WDFY3: variants seen among roughly 807,000 people sequenced by gnomAD.
The protein encoded by WDFY3 is WD repeat and FYVE domain-containing protein 3.
WDFY3 carries 66 observed loss-of-function variants against 409.6 expected under a neutral mutation model. That is an observed-to-expected ratio of 0.16 (90% CI 0.13 to 0.20). WDFY3 has a LOEUF of 0.20. Ranked by LOEUF, WDFY3 falls within the 10% of genes least tolerant of loss-of-function variation. WDFY3 has a pLI of 1.00. For synonymous variants in WDFY3, 1,521 were observed against 1,537.1 expected, an observed-to-expected ratio of 0.99 and a Z score of 0.25; for missense variants, 3,031 against 4,298.1, an observed-to-expected ratio of 0.71 and a Z score of 8.24.
intron 24 of WDFY3, among the ~76,000 whole-genome samples, chr4:84,784,188 A>G (rs559851982): frequency 1.9e-4 from 29 of 152,196 alleles, no homozygotes; most frequent in Non-Finnish European, 2.5e-4. Context: ...CCAACTCCAT[A>G]ACACTGGAAC....
At chr4:84,925,899 A>G (rs1769912527) in intron 2 of WDFY3, among the ~76,000 whole-genome samples, 1 of 152,012 alleles carries the variant, frequency 6.6e-6, no homozygotes, top group South Asian at 2.1e-4. Context: ...TCAAGGTTGA[A>G]GGTGTTTGGA....
At chr4:84,824,531 T>A (rs923493135) in intron 10 of WDFY3, among the ~76,000 whole-genome samples, 5 of 152,172 alleles carry the variant, frequency 3.3e-5, no homozygotes, top group Admixed American at 6.6e-5. Flanking sequence ...ATGATTACAG[T>A]GTATTAAGTT....
chr4:84,808,526 A>T, intron 14 of WDFY3, 109 bp from the exon 15 acceptor site: 1 of 810,340 alleles, frequency 1.2e-6, no homozygotes, highest in Non-Finnish European at 2.1e-6. Flanking sequence ...TTAATAAGGA[A>T]CATCTTCCAT....
At chr4:84,832,667 G>T (rs958054083) in intron 7 of WDFY3, among the ~76,000 whole-genome samples, 5 of 152,088 alleles carry the variant, frequency 3.3e-5, no homozygotes, top group Admixed American at 6.6e-5. Flanking sequence ...CCGTAAGAGT[G>T]TATGTAAGTA....
At position 84,922,636 on chromosome 4, in the gene WDFY3, ACC is replaced by A. The variant is rs1328009449; in HGVS notation, c.-132+9632_-132+9633del. Among the ~76,000 whole-genome samples the A allele has an allele frequency of 3.3e-5, 5 of 151,762 alleles. No homozygotes were observed. The Middle Eastern group carries it at 0.01, about 314-fold the overall frequency. ...TTTTTTTTTTAATCTTATTGCTTTTACCGAGGCAAAGTCTGTTTTGTTGTTTT... is the reference window on the plus strand; with the variant it reads ...TTTTTTTTTTAATCTTATTGCTTTTAGAGGCAAAGTCTGTTTTGTTGTTTT... On this transcript the variant is annotated intron_variant, in intron 2 of 67. Coordinates refer to ENST00000295888, the MANE Select transcript of WDFY3 (RefSeq NM_014991.6).
chr4:84,849,662 T>C (rs1758609819), intron 5 of WDFY3: 3 of 328,888 alleles, frequency 9.1e-6, no homozygotes, highest in South Asian at 1.6e-4. Context: ...ACAGAGTATT[T>C]TAAAGGGTTA....
In WDFY3 at chr4:84,796,720, T is replaced by C. The variant is rs1325272749; in HGVS notation, c.2968A>G (p.Thr990Ala). The stretch of plus-strand genomic sequence containing the variant: ...TCATGTAAGCTAAAAACATTATCAG[T>C]ACCCAGACCTTCCAGAGATGTGATC... Reference protein sequence around the residue: ...SMITSLEGLGTDNVFSLHEDN... With the variant: ...SMITSLEGLGADNVFSLHEDN... Residue 990 changes from threonine (T) to alanine (A), a missense_variant, in exon 19 of 68, where the codon ACT (threonine) becomes GCT (alanine). Around this residue, in one of 16 missense-constraint regions of WDFY3, gnomAD observed 1,322 missense variants for 1,697.9 expected, o/e 0.78. Coordinates refer to ENST00000295888, the MANE Select transcript of WDFY3 (RefSeq NM_014991.6). 1.9e-6 allele frequency: 3 copies of C among 1,613,830 alleles called. No individual in the cohort carries two copies. The African/African-American group carries it at 4.0e-5, about 22-fold the overall frequency.
At chr4:84,701,717 G>A (rs1410349010) in intron 56 of WDFY3, among the ~76,000 whole-genome samples, 1 of 152,126 alleles carries the variant, frequency 6.6e-6, no homozygotes, top group East Asian at 1.9e-4. Context: ...CACTGATGGA[G>A]TTTTTCTTGT....
chr4:84,795,688 A>C (rs1197524410), intron 19 of WDFY3, among the ~76,000 whole-genome samples: 1 of 151,788 alleles, frequency 6.6e-6, no homozygotes, highest in African/African-American at 2.4e-5. Context: ...CTTGAACCTG[A>C]GAGGCGGAGG....
intron 58 of WDFY3, among the ~76,000 whole-genome samples, chr4:84,695,111 C>T (rs1219767187): frequency 6.6e-6 from 1 of 152,082 alleles, no homozygotes; most frequent in Non-Finnish European, 1.5e-5. Flanking sequence ...TGGAGAAGTG[C>T]TGCAGTTACT....
At chr4:84,859,954 T>C (rs963378234) in intron 4 of WDFY3, among the ~76,000 whole-genome samples, 1 of 152,220 alleles carries the variant, frequency 6.6e-6, no homozygotes, top group Non-Finnish European at 1.5e-5. Context: ...TTAACTCTAT[T>C]TGAATTATCT....
intron 53 of WDFY3, among the ~76,000 whole-genome samples, chr4:84,706,780 G>A (rs1030278786): frequency 5.3e-5 from 8 of 152,058 alleles, no homozygotes; most frequent in Non-Finnish European, 1.0e-4. Flanking sequence ...TAAATTACAA[G>A]AGAGGGAACT....
At chr4:84,829,851 T>TA (rs1560868593) in intron 8 of WDFY3, among the ~76,000 whole-genome samples, 9 of 58,166 alleles carry the variant, frequency 1.5e-4, no homozygotes, top group African/African-American at 5.8e-4. Context: ...ATAAATAAAT[T>TA]AGAGAGACTA....
At chr4:84,752,450 T>G (rs1476262794) in intron 35 of WDFY3, among the ~76,000 whole-genome samples, 1 of 151,698 alleles carries the variant, frequency 6.6e-6, no homozygotes, top group Non-Finnish European at 1.5e-5. Context: ...TCGCTTGAAC[T>G]TGGGACGTGG....
chr4:84,880,515 T>C (rs1201106207), intron 3 of WDFY3, among the ~76,000 whole-genome samples: 5 of 151,030 alleles, frequency 3.3e-5, no homozygotes, highest in African/African-American at 4.9e-5. Flanking sequence ...AAATTGACCA[T>C]ATACAGATCA....
intron 13 of WDFY3, among the ~76,000 whole-genome samples, chr4:84,816,998 C>T (rs1578657596): frequency 6.6e-6 from 1 of 152,150 alleles, no homozygotes; most frequent in Non-Finnish European, 1.5e-5. Context: ...CTAGAATATC[C>T]ATTACTTACA....
intron 1 of WDFY3, among the ~76,000 whole-genome samples, chr4:84,960,520 T>C (rs550736157): frequency 4.6e-5 from 7 of 152,218 alleles, no homozygotes; most frequent in Non-Finnish European, 8.8e-5. Flanking sequence ...GAACAAATTA[T>C]CTATTTTCCG....
chr4:84,808,357 A>G lies in WDFY3; in HGVS notation c.2406T>C (p.Gly802=). Residue 802 remains glycine, a synonymous_variant, in exon 15 of 68, where the codon GGT becomes GGC. Transcript: ENST00000295888. The part of the protein sequence containing the change: ...TSESSLPSPW[G]TPALSRKRHA... ...ACCTTTTCCTGGACAAAGCTGGTGT[A>G]CCCCAAGGAGAGGGGAGAGAAGACT... is the stretch of plus-strand genomic sequence containing the variant. 1 of 1,613,908 alleles carries G rather than the reference A, an allele frequency of 6.2e-7. No individual in the cohort carries two copies. The highest frequency in any genetic ancestry group is 8.5e-7 in the Non-Finnish European group (1 of 1,179,822).
At chr4:84,783,899 A>AC in intron 24 of WDFY3, among the ~76,000 whole-genome samples, 1 of 151,396 alleles carries the variant, frequency 6.6e-6, no homozygotes, top group Non-Finnish European at 1.5e-5. Context: ...ACACACACAC[A>AC]AAAGCTCTGC....
Sources: allele counts gnomAD v4.1 joint callset (sites outside exome capture counted in the v4.1 genomes callset), GRCh38; gene constraint gnomAD v4.1.1; regional missense constraint gnomAD v4.1.1; transcripts MANE v1.5; gene names NCBI Gene and HGNC (gene_info 2026-07-23, HGNC 2026-07-21).